LRRN1: variants seen among roughly 807,000 people sequenced by gnomAD.
The protein encoded by LRRN1 is leucine-rich repeat neuronal protein 1.
LRRN1 carries 14 observed loss-of-function variants against 45.8 expected under a neutral mutation model. The observed-to-expected ratio is 0.31, with a 90% CI of 0.20 to 0.48. The LOEUF is 0.48. Among genes scored for constraint, LRRN1 ranks in the 20% least tolerant of loss-of-function variants. LRRN1 has a pLI of 0.99. For synonymous variants in LRRN1, 359 were observed against 330.1 expected, an observed-to-expected ratio of 1.09 and a Z score of -0.95; for missense variants, 789 against 874.2, an observed-to-expected ratio of 0.90 and a Z score of 1.23.
At chr3:3,807,388 G>C (rs1211822786) in intron 1 of LRRN1, among the ~76,000 whole-genome samples, 1 of 152,166 alleles carries the variant, frequency 6.6e-6, no homozygotes, top group African/African-American at 2.4e-5. Flanking sequence ...TTTGATAGGA[G>C]CGTTTTAACT....
chr3:3,809,919 G>A (rs1005691212), intron 1 of LRRN1, among the ~76,000 whole-genome samples: 1 of 152,180 alleles, frequency 6.6e-6, no homozygotes, highest in Non-Finnish European at 1.5e-5. Flanking sequence ...TCTGCATTCT[G>A]AGGATGCTAA....
chr3:3,825,030 G>A (rs1409097987), intron 1 of LRRN1, among the ~76,000 whole-genome samples: 2 of 152,178 alleles, frequency 1.3e-5, no homozygotes, highest in East Asian at 1.9e-4. Context: ...CTCTGAGGTC[G>A]ACGTTATTCC....
intron 1 of LRRN1, among the ~76,000 whole-genome samples, chr3:3,822,125 ATTTTTC>A (rs1427771242): frequency 6.6e-6 from 1 of 152,076 alleles, no homozygotes; most frequent in East Asian, 1.9e-4. Flanking sequence ...AGTTCATTTT[ATTTTTC>A]TGAGTCTCCA....
intron 1 of LRRN1, among the ~76,000 whole-genome samples, chr3:3,812,676 T>G (rs978093947): frequency 2.0e-5 from 3 of 152,172 alleles, no homozygotes; most frequent in African/African-American, 7.2e-5. Flanking sequence ...TATTGAGTCT[T>G]GGCTGGTTAG....
intron 1 of LRRN1, among the ~76,000 whole-genome samples, chr3:3,830,335 C>G (rs1428536387): frequency 1.3e-5 from 2 of 152,194 alleles, no homozygotes; most frequent in Non-Finnish European, 2.9e-5. Context: ...ACCATCCAGC[C>G]AAACCATTGG....
chr3:3,834,525 G>GAGATATATATATATAT lies in LRRN1; in HGVS notation c.-278-9838_-278-9837insGATATATATATATATA, dbSNP rs750534210. On this transcript the variant is annotated intron_variant, in intron 1 of 1. Coordinates refer to ENST00000319331, the MANE Select transcript of LRRN1 (RefSeq NM_020873.7). ...GCGTTCTCTTAGAGGGACAGAACAG[G>GAGATATATATATATAT]ATATATATATATATATATATATATA... is the stretch of plus-strand genomic sequence containing the variant. Among the ~76,000 whole-genome samples the GAGATATATATATATAT allele has an allele frequency of 1.9e-3, 51 of 27,324 alleles. 4 individuals carry two copies. The highest frequency in any genetic ancestry group is 4.1e-3 in the African/African-American group (48 of 11,680). 17.9% of individuals were successfully genotyped at this position (27,324 alleles called of 152,430 possible).
intron 1 of LRRN1, among the ~76,000 whole-genome samples, chr3:3,826,168 AC>A (rs1184419428): frequency 3.9e-5 from 6 of 152,288 alleles, no homozygotes; most frequent in African/African-American, 1.2e-4. Context: ...TCACAATCAA[AC>A]TCCATCCCTC....
Position 3,815,704 on chromosome 3 carries a change from C to A in LRRN1, c.-279+15785C>A, listed in dbSNP as rs1692972925. Among the ~76,000 whole-genome samples, 3 of 152,052 alleles carry A rather than the reference C, an allele frequency of 2.0e-5. No homozygotes were observed. The South Asian group carries it at 6.2e-4, about 31-fold the overall frequency. On this transcript the variant is annotated intron_variant, in intron 1 of 1. Coordinates refer to ENST00000319331, the MANE Select transcript of LRRN1 (RefSeq NM_020873.7). Reference sequence around the variant, plus strand: ...GTTTTCAAACCATGTCTTCATTATCCTCAATTAAATGTAATTTGAAGTAAT... The same window carrying A: ...GTTTTCAAACCATGTCTTCATTATCATCAATTAAATGTAATTTGAAGTAAT...
chr3:3,810,303 C>T (rs1309164467), intron 1 of LRRN1, among the ~76,000 whole-genome samples: 1 of 152,058 alleles, frequency 6.6e-6, no homozygotes, highest in Admixed American at 6.6e-5. Context: ...CAAACAAACC[C>T]AAAAGCTTCA....
At chr3:3,827,476 T>C (rs747741982) in intron 1 of LRRN1, 7 of 456,504 alleles carry the variant, frequency 1.5e-5, no homozygotes, top group South Asian at 1.1e-4. Context: ...CTACAGGCAA[T>C]GTTGGTGTTG....
At chr3:3,803,311 T>C (rs1285780764) in intron 1 of LRRN1, among the ~76,000 whole-genome samples, 1 of 152,104 alleles carries the variant, frequency 6.6e-6, no homozygotes, top group African/African-American at 2.4e-5. Context: ...TAATGATAAA[T>C]AATCAGAATG....
chr3:3,839,080 C>T (rs746265728), intron 1 of LRRN1, among the ~76,000 whole-genome samples: 29 of 152,016 alleles, frequency 1.9e-4, no homozygotes, highest in South Asian at 4.1e-4. Flanking sequence ...GAAACCATTG[C>T]CAAATACCCT....
chr3:3,839,923 G>A (rs1164343193), intron 1 of LRRN1, among the ~76,000 whole-genome samples: 1 of 151,976 alleles, frequency 6.6e-6, no homozygotes, highest in Admixed American at 6.6e-5. Context: ...TATGTAATCT[G>A]GGAACAGATA....
Position 3,816,742 on chromosome 3 carries a change from C to T in LRRN1, c.-279+16823C>T, listed in dbSNP as rs181946307. 9.3e-4 allele frequency among the ~76,000 whole-genome samples: 142 copies of T among 152,286 alleles called. No homozygotes were observed. Among genetic ancestry groups the T allele is most frequent in the Middle Eastern group, 3.4e-3 (1 of 294 alleles). The stretch of plus-strand genomic sequence containing the variant: ...CTAATGCTCTAGTTAACCAAGGTTT[C>T]GCTCTACAAGTTAGCTTTCTTCTAC... On this transcript the variant is annotated intron_variant, in intron 1 of 1. Transcript: ENST00000319331. This position sits in a 1 kb window ranked among gnomAD's most constrained non-coding sequence, Gnocchi z 4.0.
At chr3:3,822,894 G>A (rs1313610066) in intron 1 of LRRN1, 2 of 152,118 alleles carry the variant, frequency 1.3e-5, no homozygotes, top group East Asian at 3.9e-4. Flanking sequence ...ACTTTGCTGT[G>A]CACCTGTATA....
intron 1 of LRRN1, chr3:3,827,324 G>T (rs1488281997): frequency 2.9e-6 from 1 of 342,846 alleles, no homozygotes; most frequent in Non-Finnish European, 6.0e-6. Context: ...TCTTGTTTCA[G>T]ACATCTGAAA....
At chr3:3,832,747 T>A (rs1172435605) in intron 1 of LRRN1, among the ~76,000 whole-genome samples, 1 of 152,208 alleles carries the variant, frequency 6.6e-6, no homozygotes, top group Non-Finnish European at 1.5e-5. Flanking sequence ...GTCTGGAAAT[T>A]GAGCGGTCAT....
intron 1 of LRRN1, among the ~76,000 whole-genome samples, chr3:3,838,886 TA>T (rs1167236384): frequency 6.6e-6 from 1 of 152,170 alleles, no homozygotes; most frequent in African/African-American, 2.4e-5. Context: ...TGTAGGAGTT[TA>T]TAATATATTC....
At chr3:3,838,467 GAATAATAATAGGTGC>G (rs1288045811) in intron 1 of LRRN1, among the ~76,000 whole-genome samples, 1 of 152,102 alleles carries the variant, frequency 6.6e-6, no homozygotes, top group African/African-American at 2.4e-5. Context: ...TGGCTATTGT[GAATAATAATAGGTGC>G]AATGAACGTG....
Sources: gnomAD v4.1 joint callset for allele counts (sites outside exome capture counted in the v4.1 genomes callset) on GRCh38, gnomAD v4.1.1 for gene constraint, Gnocchi (gnomAD v3.1) non-coding constraint, MANE v1.5 for transcripts, NCBI Gene and HGNC (gene_info 2026-07-23, HGNC 2026-07-21) for gene names.